PIP4K2A: variants seen among roughly 807,000 people sequenced by gnomAD.
PIP4K2A encodes the protein phosphatidylinositol-5-phosphate 4-kinase type 2 alpha.
In PIP4K2A, 14 loss-of-function variants were observed where a neutral mutation model predicts 42.9. The ratio of observed to expected loss-of-function variants is 0.33; its 90% confidence interval spans 0.22 to 0.51. The LOEUF is 0.51. Among genes scored for constraint, PIP4K2A ranks in the 20% least tolerant of loss-of-function variants. The pLI, the probability that PIP4K2A is intolerant of heterozygous loss-of-function variation, is 0.97. For missense variants in PIP4K2A, 434 were observed against 519.8 expected (o/e 0.83, Z 1.61); for synonymous variants, 192 against 192.2 (o/e 1.00, Z 0.01).
At chr10:22,638,001 G>A (rs936577348) in intron 1 of PIP4K2A, among the ~76,000 whole-genome samples, 1 of 152,228 alleles carries the variant, frequency 6.6e-6, no homozygotes, top group African/African-American at 2.4e-5. Context: ...GCTCTTTGGA[G>A]ATACTGAGTG....
intron 1 of PIP4K2A, among the ~76,000 whole-genome samples, chr10:22,695,872 G>A (rs966081833): frequency 4.0e-5 from 6 of 151,830 alleles, no homozygotes; most frequent in African/African-American, 7.3e-5. Flanking sequence ...TTTTCGACCC[G>A]TGGTTGGTTG....
chr10:22,589,914 A>C (rs749761204), intron 4 of PIP4K2A, among the ~76,000 whole-genome samples: 3 of 152,200 alleles, frequency 2.0e-5, no homozygotes, highest in Non-Finnish European at 2.9e-5. Context: ...CTATGAATGG[A>C]AAGTTTGTGT....
chr10:22,586,023 GTTT>G (rs1837388039), intron 4 of PIP4K2A, among the ~76,000 whole-genome samples: 1 of 152,128 alleles, frequency 6.6e-6, no homozygotes, highest in South Asian at 2.1e-4. Flanking sequence ...AGGCAAATAG[GTTT>G]TTTACCATTT....
At chr10:22,660,817 CA>C (rs1276360391) in intron 1 of PIP4K2A, among the ~76,000 whole-genome samples, 4,626 of 139,062 alleles carry the variant, frequency 0.033, 83 homozygotes, top group Non-Finnish European at 0.043. Context: ...TACTTTAAAG[CA>C]AAAAAAAAAA....
chr10:22,684,468 C>A (rs115176440), intron 1 of PIP4K2A, among the ~76,000 whole-genome samples: 222 of 152,250 alleles, frequency 1.5e-3, no homozygotes, highest in African/African-American at 5.1e-3. Context: ...CTTTGTAATG[C>A]GCTTGTTTCA....
intron 4 of PIP4K2A, among the ~76,000 whole-genome samples, chr10:22,573,820 C>T (rs1174144017): frequency 1.3e-5 from 2 of 152,240 alleles, no homozygotes; most frequent in African/African-American, 4.8e-5. Flanking sequence ...ACCCCCAAAG[C>T]CCTGACTACA....
Position 22,634,084 on chromosome 10 carries a change from C to T in PIP4K2A, c.145-24367G>A, listed in dbSNP as rs576244973. On this transcript the variant is annotated intron_variant, in intron 1 of 9. Transcript: ENST00000376573. ...AATATGATTATGGGACTTAGAGTCA[C>T]TATGAACATGAACTCAACATAGAAC... Among the ~76,000 whole-genome samples the T allele has an allele frequency of 2.0e-4, 31 of 152,292 alleles. No homozygotes were observed. In the East Asian group the frequency reaches 6.0e-3, roughly 29 times the overall value.
intron 1 of PIP4K2A, among the ~76,000 whole-genome samples, chr10:22,646,003 T>G (rs759290725): frequency 3.3e-5 from 5 of 152,228 alleles, no homozygotes; most frequent in Non-Finnish European, 7.3e-5. Context: ...ATTATAGGTG[T>G]GCGCCACTGT....
At chr10:22,543,449 T>C (rs1026767435) in intron 7 of PIP4K2A, among the ~76,000 whole-genome samples, 5 of 152,230 alleles carry the variant, frequency 3.3e-5, no homozygotes, top group African/African-American at 1.2e-4. Flanking sequence ...GAAACCTGTT[T>C]GTTTAAAAAT....
At chr10:22,542,069 TGA>T in intron 7 of PIP4K2A, 22 bp from the exon 8 acceptor site, 1 of 1,586,590 alleles carries the variant, frequency 6.3e-7, no homozygotes, top group African/African-American at 1.3e-5. Flanking sequence ...GGCAACAGGG[TGA>T]GTCAGCCACA....
At chr10:22,579,899 A>C (rs1306585314) in intron 4 of PIP4K2A, among the ~76,000 whole-genome samples, 1 of 151,416 alleles carries the variant, frequency 6.6e-6, no homozygotes, top group Admixed American at 6.6e-5. Flanking sequence ...ATAGAACGAG[A>C]CTTCGTCTGA....
chr10:22,568,882 C>T, intron 5 of PIP4K2A: 2 of 645,606 alleles, frequency 3.1e-6, no homozygotes, highest in Non-Finnish European at 2.7e-6. Flanking sequence ...TTCCTGGGCT[C>T]CCTTCCCCTC....
chr10:22,573,526 C>T (rs1837039303), intron 4 of PIP4K2A, 69 bp from the exon 5 acceptor site: 1 of 1,360,696 alleles, frequency 7.3e-7, no homozygotes, highest in Admixed American at 2.1e-5. Context: ...ATGTAAAATA[C>T]ATACGCCTAT....
chr10:22,636,814 G>A (rs1031015932), intron 1 of PIP4K2A, among the ~76,000 whole-genome samples: 3 of 152,188 alleles, frequency 2.0e-5, no homozygotes, highest in Admixed American at 1.3e-4. Flanking sequence ...TACTGGCCGC[G>A]AGGGTGGCTT....
chr10:22,669,828 T>G (rs1839415978), intron 1 of PIP4K2A, among the ~76,000 whole-genome samples: 1 of 152,242 alleles, frequency 6.6e-6, no homozygotes, highest in Non-Finnish European at 1.5e-5. Context: ...AGTCTGCATA[T>G]TTGTTTATTT....
chr10:22,557,597 A>C (rs1382655753), intron 6 of PIP4K2A, among the ~76,000 whole-genome samples: 3 of 152,250 alleles, frequency 2.0e-5, no homozygotes, highest in Non-Finnish European at 4.4e-5. Flanking sequence ...TAAAGCCAGA[A>C]GTTATATGAA....
At chr10:22,672,921 TC>T (rs1388904522) in intron 1 of PIP4K2A, among the ~76,000 whole-genome samples, 1 of 152,182 alleles carries the variant, frequency 6.6e-6, no homozygotes, top group Admixed American at 6.5e-5. Flanking sequence ...ATGAGTGAGT[TC>T]CTGAGAAGCC....
chr10:22,565,845 C>CG (rs1554795532), intron 6 of PIP4K2A, among the ~76,000 whole-genome samples: 2,717 of 151,952 alleles, frequency 0.018, 73 homozygotes, highest in African/African-American at 0.057. Context: ...ACAGCCCCCC[C>CG]AGGTGTGCCT....
intron 1 of PIP4K2A, among the ~76,000 whole-genome samples, chr10:22,699,152 T>C (rs923666611): frequency 6.6e-6 from 1 of 152,166 alleles, no homozygotes; most frequent in Non-Finnish European, 1.5e-5. Context: ...AAAAAGAAAG[T>C]GCCTTATGGA....
Sources: gnomAD v4.1 joint callset for allele counts (sites outside exome capture counted in the v4.1 genomes callset) on GRCh38, gnomAD v4.1.1 for gene constraint, MANE v1.5 for transcripts, NCBI Gene and HGNC (gene_info 2026-07-23, HGNC 2026-07-21) for gene names.